The following CFH variants were observed in gnomAD, a reference collection of about 807,000 sequenced individuals.
CFH encodes H factor 1 (complement).
CFH carries 53 observed loss-of-function variants against 147.3 expected under a neutral mutation model. The observed-to-expected ratio is 0.36, with a 90% CI of 0.29 to 0.45. The LOEUF is 0.45. Among genes scored for constraint, CFH ranks in the 20% least tolerant of loss-of-function variants. The pLI, the probability that CFH is intolerant of heterozygous loss-of-function variation, is 1.00. For missense variants in CFH, 1,380 were observed against 1,498.0 expected (o/e 0.92, Z 1.30); for synonymous variants, 536 against 489.4 (o/e 1.10, Z -1.26).
At chr1:196,672,405 A>G (rs1298598132) in intron 1 of CFH, among the ~76,000 whole-genome samples, 1 of 152,194 alleles carries the variant, frequency 6.6e-6, no homozygotes, top group South Asian at 2.1e-4. Flanking sequence ...TTGGAGTAGA[A>G]ACATTGTTCT....
At chr1:196,686,560 T>C (rs1174992789) in intron 7 of CFH, among the ~76,000 whole-genome samples, 2 of 152,146 alleles carry the variant, frequency 1.3e-5, no homozygotes, top group Non-Finnish European at 2.9e-5. Flanking sequence ...TTAAACTATA[T>C]ATTCCATGAA....
At chr1:196,740,849 A>T in intron 18 of CFH, 57 bp downstream of exon 18, 1 of 1,531,792 alleles carries the variant, frequency 6.5e-7, no homozygotes, top group Non-Finnish European at 9.0e-7. Context: ...TCAAAGTGTA[A>T]GTGGTACCAA....
intron 20 of CFH, 125 bp downstream of exon 20, chr1:196,743,753 G>A (rs1652900573): frequency 2.2e-6 from 3 of 1,373,796 alleles, no homozygotes; most frequent in Admixed American, 3.6e-5. Flanking sequence ...GACTGATGGT[G>A]CTTAAAATTC....
At chr1:196,692,881 C>CCTACCTA (rs1553275284) in intron 9 of CFH, among the ~76,000 whole-genome samples, 3,843 of 57,324 alleles carry the variant, frequency 0.067, 500 homozygotes, top group South Asian at 0.14. Flanking sequence ...TCTGTCACCT[C>CCTACCTA]CCTCCCTCCC....
intron 11 of CFH, among the ~76,000 whole-genome samples, chr1:196,720,429 T>G (rs1573060188): frequency 6.6e-6 from 1 of 151,974 alleles, no homozygotes; most frequent in Non-Finnish European, 1.5e-5. Flanking sequence ...TTCCTCACCC[T>G]CCTGCTATCC....
At position 196,721,664 on chromosome 1, in the gene CFH, T is replaced by C. The variant is rs144411119; in HGVS notation, c.1697-3457T>C. On this transcript the variant is annotated intron_variant, in intron 11 of 21. Transcript: ENST00000367429. ...GTATAGTCATTGGGGGTGTGGAGGT[T>C]GCTTGCCCTCATTATATTGCTGTTT... is the stretch of plus-strand genomic sequence containing the variant. Among the ~76,000 whole-genome samples, 834 of 152,110 alleles carry C rather than the reference T, an allele frequency of 5.5e-3. 8 individuals carry two copies. Among genetic ancestry groups the C allele is most frequent in the African/African-American group, 0.019 (803 of 41,560 alleles).
At chr1:196,726,054 T>A (rs1274133025) in intron 12 of CFH, among the ~76,000 whole-genome samples, 3 of 152,300 alleles carry the variant, frequency 2.0e-5, no homozygotes, top group African/African-American at 7.2e-5. Flanking sequence ...ACCGGGTGTG[T>A]CTAAACAATA....
At chr1:196,723,012 C>T (rs1226805927) in intron 11 of CFH, among the ~76,000 whole-genome samples, 1 of 151,832 alleles carries the variant, frequency 6.6e-6, no homozygotes, top group African/African-American at 2.4e-5. Flanking sequence ...TGCTTTTCAA[C>T]TTTCTCTTGG....
intron 9 of CFH, among the ~76,000 whole-genome samples, chr1:196,708,860 C>T (rs1435684622): frequency 6.6e-6 from 1 of 152,128 alleles, no homozygotes; most frequent in African/African-American, 2.4e-5. Flanking sequence ...TATCTGGTGG[C>T]AGAGCCTTCT....
intron 9 of CFH, among the ~76,000 whole-genome samples, chr1:196,712,721 T>G (rs1245645041): frequency 6.6e-6 from 1 of 150,454 alleles, no homozygotes; most frequent in Non-Finnish European, 1.5e-5. Context: ...ACCCATTAAC[T>G]CGTCATTTAG....
At chr1:196,675,639 T>A (rs1191828590) in intron 3 of CFH, among the ~76,000 whole-genome samples, 1 of 152,148 alleles carries the variant, frequency 6.6e-6, no homozygotes, top group Non-Finnish European at 1.5e-5. Context: ...AAAATAAGAA[T>A]ACTTTGTATG....
intron 11 of CFH, among the ~76,000 whole-genome samples, chr1:196,720,287 T>A (rs1402434411): frequency 6.6e-6 from 1 of 152,042 alleles, no homozygotes; most frequent in Non-Finnish European, 1.5e-5. Flanking sequence ...AATTTTAATT[T>A]CTATGTTTTA....
At chr1:196,714,425 A>G (rs1220989682) in intron 10 of CFH, among the ~76,000 whole-genome samples, 2 of 151,208 alleles carry the variant, frequency 1.3e-5, no homozygotes, top group Non-Finnish European at 2.9e-5. Context: ...TAGGTAGTAG[A>G]GAGACAAAAT....
chr1:196,700,668 AG>A (rs1668425044), intron 9 of CFH, among the ~76,000 whole-genome samples: 1 of 150,740 alleles, frequency 6.6e-6, no homozygotes. Context: ...AAAAAAAAAA[AG>A]AAAAGAAAAA....
chr1:196,700,926 C>T lies in CFH; in HGVS notation c.1336+10687C>T, dbSNP rs536496280. The T allele has an allele frequency of 2.2e-5, 20 of 912,282 alleles. No individual in the cohort carries two copies. The South Asian group carries it at 9.6e-4, about 44-fold the overall frequency. 56.5% of individuals were successfully genotyped at this position (912,282 alleles called of 1,614,324 possible). ...GAGTTTTCTCAGAGCAGCTGGCACC[C>T]CATTTCCTTCTGTGTGTGTGTGCCT... On this transcript the variant is annotated intron_variant, in intron 9 of 21. Coordinates refer to ENST00000367429, the MANE Select transcript of CFH (RefSeq NM_000186.4).
At chr1:196,701,240 G>T in intron 9 of CFH, 2 of 1,603,314 alleles carry the variant, frequency 1.2e-6, no homozygotes, top group Non-Finnish European at 1.7e-6. Flanking sequence ...GTCACATTCA[G>T]TTAGTCCTGA....
At chr1:196,730,681 AT>A (rs1453883124) in intron 15 of CFH, among the ~76,000 whole-genome samples, 1 of 151,788 alleles carries the variant, frequency 6.6e-6, no homozygotes, top group Non-Finnish European at 1.5e-5. Context: ...AAATATTGAT[AT>A]CCCCTACTAT....
chr1:196,721,266 G>T lies in CFH; in HGVS notation c.1697-3855G>T, dbSNP rs370124041. On this transcript the variant is annotated intron_variant, in intron 11 of 21. Transcript: ENST00000367429. ...CATTCTGAGGTTGTCTGTTTACTCT[G>T]TTTATTATTTCCTTTGCTGTGAAGA... Among the ~76,000 whole-genome samples the T allele has an allele frequency of 4.0e-5, 6 of 151,542 alleles. 1 individual carries two copies. In the East Asian group the frequency reaches 7.7e-4, roughly 20 times the overall value.
chr1:196,704,767 G>A (rs373693105), intron 9 of CFH, among the ~76,000 whole-genome samples: 5 of 152,190 alleles, frequency 3.3e-5, no homozygotes, highest in Non-Finnish European at 7.3e-5. Flanking sequence ...TAACATACCT[G>A]TCTTGCCAGG....
Sources: gnomAD v4.1 joint callset for allele counts (sites outside exome capture counted in the v4.1 genomes callset) on GRCh38, gnomAD v4.1.1 for gene constraint, MANE v1.5 for transcripts, NCBI Gene and HGNC (gene_info 2026-07-23, HGNC 2026-07-21) for gene names.